Variants in FDFT1 observed in about 807,000 individuals in gnomAD.
The protein encoded by FDFT1 is squalene synthase.
Under a neutral mutation model 46.8 loss-of-function variants are expected in FDFT1, and 68 were observed. The ratio of observed to expected loss-of-function variants is 1.45; its 90% CI spans 1.19 to 1.78. FDFT1 has a LOEUF of 1.78. Among genes scored for constraint, FDFT1 ranks in the 40% most tolerant of loss-of-function variants. The pLI, the probability that FDFT1 is intolerant of heterozygous loss-of-function variation, is 0.00. For missense variants in FDFT1, 928 were observed against 524.4 expected, an observed-to-expected ratio of 1.77 and a Z score of -7.52; for synonymous variants, 351 against 185.1, an observed-to-expected ratio of 1.90 and a Z score of -7.28.
chr8:11,800,009 C>G (rs1338233714), upstream of FDFT1, among the ~76,000 whole-genome samples: 1 of 144,930 alleles, frequency 6.9e-6, no homozygotes, highest in Non-Finnish European at 1.5e-5. Flanking sequence ...TGCCTGTAAT[C>G]CTAGCACTTT....
At chr8:11,826,635 G>A (rs1810034424) in intron 5 of FDFT1, among the ~76,000 whole-genome samples, 1 of 151,946 alleles carries the variant, frequency 6.6e-6, no homozygotes, top group South Asian at 2.1e-4. Context: ...CCAACATCGT[G>A]AAACCCCGTG....
At chr8:11,830,221 C>A (rs562183536) in intron 5 of FDFT1, 23 bp from the exon 6 acceptor site, 7 of 1,598,692 alleles carry the variant, frequency 4.4e-6, no homozygotes, top group South Asian at 2.2e-5. Flanking sequence ...CTGACCTGTT[C>A]CTTAATCTTC....
chr8:11,837,932 T>G (rs1811762131), intron 7 of FDFT1, among the ~76,000 whole-genome samples: 1 of 152,208 alleles, frequency 6.6e-6, no homozygotes, highest in East Asian at 1.9e-4. Context: ...TCCCTGCTTC[T>G]GTTCCTGTCC....
intron 3 of FDFT1, among the ~76,000 whole-genome samples, chr8:11,810,449 A>T (rs763639803): frequency 5.3e-5 from 8 of 152,216 alleles, no homozygotes; most frequent in Non-Finnish European, 8.8e-5. Flanking sequence ...GATCCTGGGC[A>T]AGTTCCTTAT....
chr8:11,808,295 C>G (rs1459662828), intron 1 of FDFT1: 18 of 1,225,472 alleles, frequency 1.5e-5, no homozygotes, highest in Admixed American at 4.3e-5. Flanking sequence ...GCGCTGGGTT[C>G]CCTTAGCGGC....
At chr8:11,836,068 G>A (rs1293325) in intron 7 of FDFT1, among the ~76,000 whole-genome samples, 27,251 of 149,400 alleles carry the variant, frequency 0.18, 3,054 homozygotes, top group Middle Eastern at 0.27. Flanking sequence ...CAGGAGAATC[G>A]CATGAACCTG....
intron 1 of FDFT1, chr8:11,803,167 G>C: frequency 7.1e-7 from 1 of 1,414,594 alleles, no homozygotes; most frequent in Non-Finnish European, 9.3e-7. Flanking sequence ...CGACTTTTGC[G>C]TGGTTCCCGG....
At chr8:11,802,113 A>T, upstream of FDFT1, 1 of 454,710 alleles carries the variant, frequency 2.2e-6, no homozygotes, top group South Asian at 1.6e-5. Context: ...AGTAAACACT[A>T]GAGAGGGGGC....
intron 1 of FDFT1, among the ~76,000 whole-genome samples, chr8:11,807,435 T>TTA (rs1807005401): frequency 6.6e-6 from 1 of 152,180 alleles, no homozygotes; most frequent in Non-Finnish European, 1.5e-5. Context: ...AGTGCAGGGA[T>TTA]TATAGGCGTG....
chr8:11,809,973 A>G (rs868365214), intron 3 of FDFT1, 123 bp downstream of exon 3: 5 of 739,428 alleles, frequency 6.8e-6, no homozygotes, highest in African/African-American at 5.3e-5. Context: ...GCATAATGTG[A>G]GGGTTAAAAA....
chr8:11,826,239 G>T (rs373391164), intron 5 of FDFT1, 24 bp downstream of exon 5: 26 of 1,462,694 alleles, frequency 1.8e-5, no homozygotes, highest in Middle Eastern at 1.9e-4. Context: ...GGTATTTTGG[G>T]GGAAAATAAC....
rs1467320132 is a variant in FDFT1, at chr8:11,830,269, T to C, written c.728T>C (p.Leu243Ser). 2 of 1,613,906 alleles carry C rather than the reference T, an allele frequency of 1.2e-6. No homozygotes were observed. The highest frequency in any genetic ancestry group is 2.2e-5 in the East Asian group (1 of 44,906). The change falls in exon 6 of 8, where the codon TTA becomes TCA. Residue 243 changes from leucine to serine, a missense_variant. Leu to Ser is a moderately radical substitution (Grantham distance 145, BLOSUM62 -2). Transcript: ENST00000220584. The stretch of plus-strand genomic sequence containing the variant: ...GTTTGGAGCAGGTATGTTAAGAAGT[T>C]AGGGGATTTTGCTAAGCCGGAGAAT... Reference protein sequence around the residue: ...QEVWSRYVKKLGDFAKPENID... With the variant: ...QEVWSRYVKKSGDFAKPENID...
At chr8:11,815,812 G>T (rs565640726) in intron 3 of FDFT1, among the ~76,000 whole-genome samples, 1 of 152,138 alleles carries the variant, frequency 6.6e-6, no homozygotes, top group Non-Finnish European at 1.5e-5. Flanking sequence ...CTCCTATTCT[G>T]TAGGTTGCCT....
chr8:11,835,221 G>A (rs1490001164), intron 7 of FDFT1, among the ~76,000 whole-genome samples: 1 of 152,182 alleles, frequency 6.6e-6, no homozygotes, highest in Non-Finnish European at 1.5e-5. Context: ...CTCCTTGATT[G>A]AGGCTAGTAG....
chr8:11,822,446 G>A (rs1389406066), intron 4 of FDFT1, among the ~76,000 whole-genome samples: 1 of 152,176 alleles, frequency 6.6e-6, no homozygotes, highest in East Asian at 1.9e-4. Flanking sequence ...CTTGACAGCA[G>A]TTATCTTTGG....
chr8:11,827,153 T>A (rs540799222), intron 5 of FDFT1, among the ~76,000 whole-genome samples: 1 of 152,148 alleles, frequency 6.6e-6, no homozygotes. Flanking sequence ...TAAAAGTGTT[T>A]CCTGCAGCCA....
intron 3 of FDFT1, among the ~76,000 whole-genome samples, chr8:11,817,638 C>G (rs1001653213): frequency 1.3e-5 from 2 of 152,200 alleles, no homozygotes; most frequent in African/African-American, 4.8e-5. Context: ...TCTGGATTTT[C>G]TAGCTTATTT....
chr8:11,824,548 C>A (rs1344200109), intron 4 of FDFT1, among the ~76,000 whole-genome samples: 1 of 152,126 alleles, frequency 6.6e-6, no homozygotes, highest in Non-Finnish European at 1.5e-5. Context: ...CTACTTCAGC[C>A]CCCTGAGTAA....
At chr8:11,797,404 A>G (rs945991479), upstream of FDFT1, among the ~76,000 whole-genome samples, 1 of 152,184 alleles carries the variant, frequency 6.6e-6, no homozygotes, top group Non-Finnish European at 1.5e-5. Context: ...ACCATCACAT[A>G]ACATGTCTGT....
Sources: allele counts gnomAD v4.1 joint callset (sites outside exome capture counted in the v4.1 genomes callset), GRCh38; gene constraint gnomAD v4.1.1; transcripts MANE v1.5; gene names NCBI Gene and HGNC (gene_info 2026-07-23, HGNC 2026-07-21).